The following STAM variants were observed in gnomAD, a reference collection of about 807,000 sequenced individuals.
STAM encodes the protein signal transducing adaptor molecule.
A neutral mutation model predicts 63.4 loss-of-function variants in STAM; 16 were observed. The observed-to-expected ratio is 0.25, with a 90% CI of 0.17 to 0.38. The LOEUF is 0.38. Among genes scored for constraint, STAM ranks in the 10% least tolerant of loss-of-function variants. STAM has a pLI of 1.00. For missense variants in STAM, 636 were observed against 657.1 expected (o/e 0.97, Z 0.35); for synonymous variants, 238 against 223.9 (o/e 1.06, Z -0.56).
At chr10:17,703,910 A>G (rs782406563) in intron 9 of STAM, among the ~76,000 whole-genome samples, 6 of 152,242 alleles carry the variant, frequency 3.9e-5, no homozygotes, top group Non-Finnish European at 1.5e-5. Flanking sequence ...ACAAGTTGTT[A>G]GTCATAAGCA....
At chr10:17,650,384 A>T (rs554542578) in intron 1 of STAM, among the ~76,000 whole-genome samples, 186 of 152,358 alleles carry the variant, frequency 1.2e-3, no homozygotes, top group Non-Finnish European at 2.1e-3. Context: ...ACTCTTTACC[A>T]GAGTTGAATA....
intron 2 of STAM, among the ~76,000 whole-genome samples, chr10:17,663,134 A>G (rs1554823072): frequency 6.6e-6 from 1 of 152,154 alleles, no homozygotes; most frequent in Non-Finnish European, 1.5e-5. Context: ...TCAATTTGTA[A>G]TGCATCTGAA....
chr10:17,697,313 A>G (rs1835804780), intron 8 of STAM, among the ~76,000 whole-genome samples: 1 of 152,218 alleles, frequency 6.6e-6, no homozygotes, highest in African/African-American at 2.4e-5. Context: ...TTTATACATT[A>G]TATATTTTTC....
chr10:17,692,236 C>T (rs1395600052), intron 5 of STAM, among the ~76,000 whole-genome samples: 2 of 152,160 alleles, frequency 1.3e-5, no homozygotes, highest in Non-Finnish European at 2.9e-5. Context: ...ACATTCTTAA[C>T]CACTCATATC....
intron 2 of STAM, among the ~76,000 whole-genome samples, chr10:17,670,870 TTA>T (rs1454526832): frequency 6.6e-6 from 1 of 152,108 alleles, no homozygotes; most frequent in Non-Finnish European, 1.5e-5. Context: ...GTTGTGTGGA[TTA>T]TGTTTTATGT....
At chr10:17,644,468 A>G in intron 1 of STAM, 89 bp downstream of exon 1, 1 of 1,522,454 alleles carries the variant, frequency 6.6e-7, no homozygotes, top group Non-Finnish European at 9.1e-7. Flanking sequence ...CCCTCGGGCC[A>G]GGGCCAAGGA....
At chr10:17,695,874 A>G (rs1835734317) in intron 7 of STAM, 1 of 152,264 alleles carries the variant, frequency 6.6e-6, no homozygotes, top group South Asian at 2.1e-4. Context: ...CTGCCGTAAC[A>G]AACTACCGTA....
chr10:17,693,316 C>T lies in STAM; in HGVS notation c.535+4C>T, dbSNP rs782645025. ...GAAGAAGAAGATTTAGCAAAAGGTG[C>T]GTTTTTAAGTCCCTGATGGTGGGAA... On this transcript the variant is annotated splice_donor_region_variant and intron_variant, in intron 6 of 13. Coordinates refer to ENST00000377524, the MANE Select transcript of STAM (RefSeq NM_003473.4). 2.6e-5 allele frequency: 41 copies of T among 1,605,330 alleles called. No homozygotes were observed. The highest frequency in any genetic ancestry group is 2.1e-4 in the South Asian group (19 of 90,768).
intron 3 of STAM, 21 bp downstream of exon 3, chr10:17,684,771 C>G (rs782750329): frequency 3.5e-5 from 56 of 1,613,478 alleles, no homozygotes; most frequent in Non-Finnish European, 4.5e-5. Flanking sequence ...TCATTTTAAT[C>G]TGTACCACGA....
rs548178903 is a variant in STAM at position 17,644,178 on chromosome 10, T to C, written c.-162T>C. ...TTGCTGTTGCCGCCGCCGCAGCTGCTGCCGCGGTTGGTGGGGTTGGGTGAG... is the reference window on the plus strand; with the variant it reads ...TTGCTGTTGCCGCCGCCGCAGCTGCCGCCGCGGTTGGTGGGGTTGGGTGAG... On this transcript the variant is annotated 5_prime_UTR_variant, in exon 1 of 14. Transcript: ENST00000377524. 3 of 713,298 alleles carry C rather than the reference T, an allele frequency of 4.2e-6. No individual in the cohort carries two copies. The highest frequency in any genetic ancestry group is 7.2e-6 in the Non-Finnish European group (3 of 417,308). 44.2% of individuals were successfully genotyped at this position (713,298 alleles called of 1,614,324 possible). A position where few individuals can be genotyped will look rare whatever the true frequency, so the allele number is the denominator to read the frequency against.
intron 2 of STAM, among the ~76,000 whole-genome samples, chr10:17,679,855 A>T (rs1835007959): frequency 6.6e-6 from 1 of 151,628 alleles, no homozygotes; most frequent in South Asian, 2.1e-4. Context: ...TAACTAGGTT[A>T]TCCAATTTGT....
chr10:17,651,090 A>G (rs1469161098), intron 1 of STAM, among the ~76,000 whole-genome samples: 7 of 144,008 alleles, frequency 4.9e-5, no homozygotes, highest in African/African-American at 1.9e-4. Flanking sequence ...AAAAAAAAAA[A>G]AGTTCTGAAG....
intron 13 of STAM, among the ~76,000 whole-genome samples, chr10:17,709,625 A>G (rs1490941880): frequency 6.6e-6 from 1 of 152,134 alleles, no homozygotes; most frequent in African/African-American, 2.4e-5. Context: ...AATAAAGGAT[A>G]GGCTTTTAAG....
chr10:17,647,505 T>A (rs1230976666), intron 1 of STAM, among the ~76,000 whole-genome samples: 1 of 147,790 alleles, frequency 6.8e-6, no homozygotes, highest in African/African-American at 2.5e-5. Flanking sequence ...CTCCTTCCAC[T>A]TTTTTTTTTC....
chr10:17,664,827 T>C (rs1175341627), intron 2 of STAM, among the ~76,000 whole-genome samples: 2 of 152,166 alleles, frequency 1.3e-5, no homozygotes, highest in Non-Finnish European at 2.9e-5. Flanking sequence ...CCTGAAATTT[T>C]GTAAAGTGCG....
intron 2 of STAM, among the ~76,000 whole-genome samples, chr10:17,670,516 C>T (rs1554823952): frequency 6.6e-6 from 1 of 152,124 alleles, no homozygotes. Flanking sequence ...ACCAATCTTA[C>T]ATTAAAGTTT....
intron 9 of STAM, among the ~76,000 whole-genome samples, chr10:17,703,288 G>T (rs1363093497): frequency 6.7e-6 from 1 of 149,698 alleles, no homozygotes; most frequent in Non-Finnish European, 1.5e-5. Context: ...ATTGAAAATT[G>T]GTATCCATTT....
intron 2 of STAM, among the ~76,000 whole-genome samples, chr10:17,684,204 A>G (rs1431584478): frequency 1.3e-5 from 2 of 152,232 alleles, no homozygotes; most frequent in Non-Finnish European, 2.9e-5. Context: ...GCCTCTAGGC[A>G]GAAAGTTGAG....
At chr10:17,684,131 A>T (rs1207930670) in intron 2 of STAM, among the ~76,000 whole-genome samples, 1 of 152,108 alleles carries the variant, frequency 6.6e-6, no homozygotes, top group Non-Finnish European at 1.5e-5. Context: ...GACCAGTTTC[A>T]TGGAGTTTTT....
Sources: allele counts gnomAD v4.1 joint callset (sites outside exome capture counted in the v4.1 genomes callset), GRCh38; gene constraint gnomAD v4.1.1; transcripts MANE v1.5; gene names NCBI Gene and HGNC (gene_info 2026-07-23, HGNC 2026-07-21).